The following AGPS variants were observed in gnomAD, a reference collection of about 807,000 sequenced individuals.
The protein encoded by AGPS is alkyldihydroxyacetonephosphate synthase, peroxisomal.
In AGPS, 26 loss-of-function variants were observed where a neutral mutation model predicts 90.7. The ratio of observed to expected loss-of-function variants is 0.29; its 90% CI spans 0.21 to 0.40. AGPS has a LOEUF of 0.40. AGPS is among the 10% of genes least tolerant of loss of function. The pLI, the probability that AGPS is intolerant of heterozygous loss-of-function variation, is 1.00. For missense variants in AGPS, 540 were observed against 816.1 expected (o/e 0.66, Z 4.12); for synonymous variants, 294 against 285.3 (o/e 1.03, Z -0.31).
At chr2:177,444,576 T>C (rs749390955) in intron 7 of AGPS, among the ~76,000 whole-genome samples, 1 of 152,192 alleles carries the variant, frequency 6.6e-6, no homozygotes, top group Non-Finnish European at 1.5e-5. Context: ...AGTGCAGTTA[T>C]TTGTATGTGT....
At chr2:177,513,761 A>T in intron 16 of AGPS, 58 bp from the exon 17 acceptor site, 1 of 1,258,826 alleles carries the variant, frequency 7.9e-7, no homozygotes. Flanking sequence ...AACGTTTATT[A>T]GCACTTGTGT....
intron 8 of AGPS, among the ~76,000 whole-genome samples, chr2:177,458,160 C>G (rs879263311): frequency 6.6e-6 from 1 of 152,154 alleles, no homozygotes; most frequent in Non-Finnish European, 1.5e-5. Flanking sequence ...TAAAAACTCT[C>G]AATAAACTAG....
intron 1 of AGPS, among the ~76,000 whole-genome samples, chr2:177,412,030 G>A (rs1685636834): frequency 1.3e-5 from 2 of 152,176 alleles, no homozygotes; most frequent in Admixed American, 6.5e-5. Flanking sequence ...TGGCTAAATT[G>A]GGAGGGACAC....
Position 177,542,239 on chromosome 2 carries a change from T to C in AGPS, c.*4044T>C, listed in dbSNP as rs2105750159. On this transcript the variant is annotated 3_prime_UTR_variant, in exon 20 of 20. Coordinates refer to ENST00000264167, the MANE Select transcript of AGPS (RefSeq NM_003659.4). ...TTGTGACTAAATCTCTTTGGATTTATAGCTGAGGATATTGTTAGCTAGGTT... is the reference window on the plus strand; with the variant it reads ...TTGTGACTAAATCTCTTTGGATTTACAGCTGAGGATATTGTTAGCTAGGTT... 1 of 152,302 alleles carries C rather than the reference T, an allele frequency of 6.6e-6. No homozygotes were observed. Among genetic ancestry groups the C allele is most frequent in the African/African-American group, 2.4e-5 (1 of 41,572 alleles). 9.4% of individuals were successfully genotyped at this position (152,302 alleles called of 1,614,324 possible).
intron 1 of AGPS, 55 bp downstream of exon 1, chr2:177,393,104 C>T: frequency 6.5e-7 from 1 of 1,550,092 alleles, no homozygotes; most frequent in Non-Finnish European, 8.7e-7. Context: ...CGGGCCTGTG[C>T]TGCAGGAGGG....
intron 11 of AGPS, among the ~76,000 whole-genome samples, chr2:177,485,147 A>G (rs1433515151): frequency 6.6e-6 from 1 of 152,218 alleles, no homozygotes; most frequent in Non-Finnish European, 1.5e-5. Context: ...AAGATCTCAG[A>G]GAGGTCGTGT....
At chr2:177,432,716 A>G (rs1686279460) in intron 2 of AGPS, among the ~76,000 whole-genome samples, 1 of 152,196 alleles carries the variant, frequency 6.6e-6, no homozygotes, top group Admixed American at 6.5e-5. Flanking sequence ...TTATGGGAAT[A>G]CCTGAGACTG....
chr2:177,424,034 C>G (rs1686008413), intron 2 of AGPS, among the ~76,000 whole-genome samples: 1 of 152,052 alleles, frequency 6.6e-6, no homozygotes, highest in Admixed American at 6.5e-5. Context: ...GTTTGCTGCA[C>G]AGATCAACCC....
At chr2:177,483,714 T>C (rs1320885562) in intron 11 of AGPS, among the ~76,000 whole-genome samples, 12 of 152,298 alleles carry the variant, frequency 7.9e-5, no homozygotes, top group Middle Eastern at 3.4e-3. Flanking sequence ...TAACACCATG[T>C]TAGCTAAAAT....
chr2:177,468,365 C>A, intron 9 of AGPS, 51 bp from the exon 10 acceptor site: 1 of 1,067,944 alleles, frequency 9.4e-7, no homozygotes, highest in Non-Finnish European at 1.5e-6. Flanking sequence ...TACATAGACA[C>A]ACATTCACTA....
At chr2:177,436,139 A>ATTTTTTTTTTTTTTTTTTTTTT (rs1172040227) in intron 3 of AGPS, among the ~76,000 whole-genome samples, 1 of 82,122 alleles carries the variant, frequency 1.2e-5, no homozygotes. Flanking sequence ...GAAATGCTGA[A>ATTTTTTTTTTTTTTTTTTTTTT]TTTTTTTTTT....
At chr2:177,441,849 A>G (rs1299759757) in intron 6 of AGPS, among the ~76,000 whole-genome samples, 1 of 152,224 alleles carries the variant, frequency 6.6e-6, no homozygotes, top group Admixed American at 6.5e-5. Flanking sequence ...TCTATGTATT[A>G]TTCTATATTA....
intron 11 of AGPS, among the ~76,000 whole-genome samples, chr2:177,488,317 A>G (rs1020757623): frequency 6.6e-6 from 1 of 150,868 alleles, no homozygotes; most frequent in African/African-American, 2.4e-5. Flanking sequence ...GGTTCATGCC[A>G]TTCTCCTGCC....
intron 16 of AGPS, among the ~76,000 whole-genome samples, chr2:177,512,517 A>G (rs931683910): frequency 1.2e-4 from 19 of 152,172 alleles, no homozygotes; most frequent in African/African-American, 4.3e-4. Flanking sequence ...GATAACTTTT[A>G]TAAAGTATGA....
At chr2:177,456,331 C>A (rs910867775) in intron 8 of AGPS, among the ~76,000 whole-genome samples, 1 of 152,190 alleles carries the variant, frequency 6.6e-6, no homozygotes, top group African/African-American at 2.4e-5. Flanking sequence ...TCTTAGATAC[C>A]ATTTATTAAG....
chr2:177,400,098 G>A (rs1388309353), intron 1 of AGPS, among the ~76,000 whole-genome samples: 3 of 152,110 alleles, frequency 2.0e-5, no homozygotes, highest in African/African-American at 7.2e-5. Flanking sequence ...TTACTGCATA[G>A]GAAGAGGTTA....
intron 13 of AGPS, 53 bp downstream of exon 13, chr2:177,497,818 C>A: frequency 1.0e-6 from 1 of 999,814 alleles, no homozygotes; most frequent in Middle Eastern, 2.4e-4. Flanking sequence ...TATCTGTTTT[C>A]TGCTTTCTTC....
chr2:177,408,546 C>T (rs1264937369), intron 1 of AGPS, among the ~76,000 whole-genome samples: 3 of 152,018 alleles, frequency 2.0e-5, no homozygotes, highest in African/African-American at 7.3e-5. Context: ...TTTATGCCAC[C>T]TCCTCTGTCA....
chr2:177,497,533 C>T (rs541685206), intron 12 of AGPS, among the ~76,000 whole-genome samples, 156 bp from the exon 13 acceptor site: 9 of 151,636 alleles, frequency 5.9e-5, no homozygotes, highest in South Asian at 2.1e-4. Flanking sequence ...AACTATATAT[C>T]GTAATATAAA....
Sources: gnomAD v4.1 joint callset for allele counts (sites outside exome capture counted in the v4.1 genomes callset) on GRCh38, gnomAD v4.1.1 for gene constraint, MANE v1.5 for transcripts, NCBI Gene and HGNC (gene_info 2026-07-23, HGNC 2026-07-21) for gene names.